GRIN2C: variants seen among roughly 807,000 people sequenced by gnomAD.
The protein encoded by GRIN2C is glutamate ionotropic receptor NMDA type subunit 2C.
Under a neutral mutation model 77.7 loss-of-function variants are expected in GRIN2C, and 64 were observed. That is an observed-to-expected ratio of 0.82 (90% CI 0.67 to 1.01). GRIN2C has a LOEUF of 1.01. Ranked by LOEUF, GRIN2C falls within the 50% of genes least tolerant of loss-of-function variation. The pLI is 0.00. For synonymous variants in GRIN2C, 792 were observed against 643.4 expected (o/e 1.23, Z -3.49); for missense variants, 1,549 against 1,486.0 (o/e 1.04, Z -0.70).
rs745627652 is a variant in GRIN2C at position 74,844,486 on chromosome 17, T to C, written c.2373A>G (p.Thr791=). ...LGDGETQKLE[T]VWLSGICQNE... ...TCTGGCAGATCCCTGAGAGCCACAC[T>C]GTCTCCAGTTTCTGTGTCTCTCCTG... Residue 791 remains threonine (T), a synonymous_variant, in exon 12 of 13, where the codon ACA becomes ACG. Transcript: ENST00000293190. The C allele has an allele frequency of 3.6e-5, 58 of 1,614,168 alleles. No homozygotes were observed. In the South Asian group the frequency reaches 5.7e-4, roughly 16 times the overall value.
At position 74,851,632 on chromosome 17, in the gene GRIN2C, A is replaced by G. The variant is rs1227972041; in HGVS notation, c.1058T>C (p.Leu353Pro). Residue 353 changes from leucine (L) to proline (P), a missense_variant, in exon 4 of 13, where the codon CTG becomes CCG. Physicochemically the swap from Leu to Pro is moderately conservative, Grantham distance 98. Coordinates refer to ENST00000293190, the MANE Select transcript of GRIN2C (RefSeq NM_000835.6). ...GATCACCACCATGGTGGGCTGGACCAGGTACCCACCAGGGCTGAAGGAGAA... is the reference window on the plus strand; with the variant it reads ...GATCACCACCATGGTGGGCTGGACCGGGTACCCACCAGGGCTGAAGGAGAA... ...RDFSFSPGGY[L>P]VQPTMVVIAL... 2.5e-6 allele frequency: 4 copies of G among 1,573,400 alleles called. No homozygotes were observed. The highest frequency in any genetic ancestry group is 3.5e-6 in the Non-Finnish European group (4 of 1,158,338).
rs2037303346 is a variant in GRIN2C, at chr17:74,842,131, TGCCCACA to T, written c.*297_*303del. 3 of 360,208 alleles carry T rather than the reference TGCCCACA, an allele frequency of 8.3e-6. No homozygotes were observed. The South Asian group carries it at 1.1e-4, about 13-fold the overall frequency. 22.3% of individuals were successfully genotyped at this position (360,208 alleles called of 1,614,324 possible). A position where few individuals can be genotyped will look rare whatever the true frequency, so the allele number is the denominator to read the frequency against. ...CCTCAACCACAAGTTCCAGCCTCCA[TGCCCACA>T]GCAGCCATGACCAGTAACTGGCTAG... On this transcript the variant is annotated 3_prime_UTR_variant, in exon 13 of 13. Transcript: ENST00000293190.
In GRIN2C at chr17:74,850,512, G is replaced by A. The variant is rs114263912; in HGVS notation, c.1325+44C>T. The A allele has an allele frequency of 9.0e-4, 1,435 of 1,590,316 alleles. 14 individuals are homozygous for A. The African/African-American group carries it at 0.015, about 17-fold the overall frequency. The stretch of plus-strand genomic sequence containing the variant: ...CATACACGACACCTGACCATCACAC[G>A]GCAGCACCCAGCTCACACTAGCCTC... On this transcript the variant is annotated intron_variant, in intron 5 of 12. Coordinates refer to ENST00000293190, the MANE Select transcript of GRIN2C (RefSeq NM_000835.6). The surrounding 1 kb of genome is among the most constrained non-coding windows in gnomAD (Gnocchi z 5.3).
rs750407122 is a variant in GRIN2C, at chr17:74,854,919, T to C, written c.174A>G (p.Leu58=). ...ARLTPQSFLD[L]PLEIQPLTVG... is the part of the protein sequence containing the mutation. ...CTGTGAGCGGCTGGATCTCCAGGGG[T>C]AGGTCCAGGAAGCTCTGGGGGGTGA... Residue 58 remains leucine, a synonymous_variant, in exon 2 of 13, where the codon CTA becomes CTG. Coordinates refer to ENST00000293190, the MANE Select transcript of GRIN2C (RefSeq NM_000835.6). 9 of 1,613,096 alleles carry C rather than the reference T, an allele frequency of 5.6e-6. No individual in the cohort carries two copies. In the East Asian group the frequency reaches 1.8e-4, roughly 32 times the overall value.
Position 74,846,092 on chromosome 17 carries a change from A to G in GRIN2C, c.2324T>C (p.Leu775Pro). 1 of 1,614,182 alleles carries G rather than the reference A, an allele frequency of 6.2e-7. No homozygotes were observed. Among genetic ancestry groups the G allele is most frequent in the Non-Finnish European group, 8.5e-7 (1 of 1,180,006 alleles). Residue 775 changes from leucine to proline, a missense_variant, in exon 11 of 13, where the codon CTG (leucine) becomes CCG (proline). This residue lies in a region of GRIN2C where 717 missense variants were observed against 858.1 expected (regional missense o/e 0.84). Transcript: ENST00000293190. The surrounding 1 kb of genome is among the most constrained non-coding windows in gnomAD (Gnocchi z 4.4). ...KDSHWKRAIDLALLQFLGDGE... is the reference protein window; with the variant it reads ...KDSHWKRAIDPALLQFLGDGE... Reference sequence around the variant, plus strand: ...GTCCCCCAGGAACTGCAAGAGCGCCAGGTCTATGGCCCGCTTCCAGTGGGA... The same window carrying G: ...GTCCCCCAGGAACTGCAAGAGCGCCGGGTCTATGGCCCGCTTCCAGTGGGA...
At chr17:74,843,703 G>A in intron 12 of GRIN2C, 150 bp from the exon 13 acceptor site, 5 of 1,038,038 alleles carry the variant, frequency 4.8e-6, no homozygotes, top group Non-Finnish European at 5.5e-6. Flanking sequence ...GCCAGGCACT[G>A]TGCTTTGCAG....
At chr17:74,853,778 A>C (rs1036068688) in intron 2 of GRIN2C, 47 of 152,214 alleles carry the variant, frequency 3.1e-4, no homozygotes, top group African/African-American at 1.1e-3. Flanking sequence ...AACAAAGGCG[A>C]ATCAGATCAG....
At position 74,844,502 on chromosome 17, in the gene GRIN2C, G is replaced by A; in HGVS notation, c.2357C>T (p.Thr786Ile). 3 of 1,613,936 alleles carry A rather than the reference G, an allele frequency of 1.9e-6. No homozygotes were observed. The highest frequency in any genetic ancestry group is 2.5e-6 in the Non-Finnish European group (3 of 1,179,860). Residue 786 changes from threonine to isoleucine, a missense_variant, in exon 12 of 13, where the codon ACA (threonine) becomes ATA (isoleucine). By Grantham distance (89) the Thr-to-Ile change is moderately conservative (BLOSUM62 -1). Around this residue, in one of 3 missense-constraint regions of GRIN2C, gnomAD observed 717 missense variants for 858.1 expected, o/e 0.84. Transcript: ENST00000293190. ...ALLQFLGDGE[T>I]QKLETVWLSG... ...GAGCCACACTGTCTCCAGTTTCTGT[G>A]TCTCTCCTGGAGTTGGGGGGTGTAC...
Position 74,842,346 on chromosome 17 carries a change from A to T in GRIN2C, c.*89T>A. 1 of 676,980 alleles carries T rather than the reference A, an allele frequency of 1.5e-6. No individual in the cohort carries two copies. The highest frequency in any genetic ancestry group is 2.7e-6 in the Non-Finnish European group (1 of 369,050). The allele number at this position is 676,980 out of a possible 1,614,324, so 41.9% of individuals were successfully genotyped here. A position where few individuals can be genotyped will look rare whatever the true frequency, so the allele number is the denominator to read the frequency against. On this transcript the variant is annotated 3_prime_UTR_variant, in exon 13 of 13. Transcript: ENST00000293190. ...CCCATGGCCAGGATTTCATGGCAGA[A>T]GCCAGAAAAGCCCAATCCTGCCTGC...
rs1264369659 is a variant in GRIN2C, at chr17:74,859,690, C to T, written c.-16+54G>A. ...CCCGTCTCCGCGGACCCCGCCCGGA[C>T]TCCCCCTGGCCACCGGGACGCCCCG... On this transcript the variant is annotated intron_variant, in intron 1 of 12. Transcript: ENST00000293190. The surrounding 1 kb of genome is among the most constrained non-coding windows in gnomAD (Gnocchi z 5.9). 6.6e-6 allele frequency: 1 copy of T among 152,206 alleles called. No homozygotes were observed. Among genetic ancestry groups the T allele is most frequent in the Admixed American group, 6.5e-5 (1 of 15,284 alleles). The allele number at this position is 152,206 out of a possible 1,614,324, so 9.4% of individuals were successfully genotyped here. A position where few individuals can be genotyped will look rare whatever the true frequency, so the allele number is the denominator to read the frequency against.
chr17:74,852,636 G>C, intron 2 of GRIN2C, 25 bp from the exon 3 acceptor site: 1 of 973,998 alleles, frequency 1.0e-6, no homozygotes, highest in East Asian at 3.9e-5. Context: ...GGCCTGAGCG[G>C]GGCGGGAGGG....
chr17:74,843,655 G>A, intron 12 of GRIN2C, 102 bp from the exon 13 acceptor site: 1 of 1,409,702 alleles, frequency 7.1e-7, no homozygotes. Flanking sequence ...TCTTCTATAA[G>A]TCTCAGGAAG....
Position 74,846,148 on chromosome 17 carries a change from G to A in GRIN2C, c.2268C>T (p.Thr756=), listed in dbSNP as rs1598475286. 1 of 1,614,158 alleles carries A rather than the reference G, an allele frequency of 6.2e-7. No individual in the cohort carries two copies. The highest frequency in any genetic ancestry group is 1.1e-5 in the South Asian group (1 of 91,082). The part of the protein sequence containing the change: ...VTIGSGKVFA[T]TGYGIAMQKD... ...TCTGCATGGCGATGCCGTAGCCAGT[G>A]GTAGCAAAGACCTTGCCAGACCCAA... The change falls in exon 11 of 13, where the codon ACC becomes ACT. Residue 756 remains threonine (T), a synonymous_variant. Transcript: ENST00000293190. The surrounding 1 kb of genome is among the most constrained non-coding windows in gnomAD (Gnocchi z 4.4).
In GRIN2C at chr17:74,849,998, C is replaced by T; in HGVS notation, c.1492-65G>A. 1 of 1,503,196 alleles carries T rather than the reference C, an allele frequency of 6.7e-7. No individual in the cohort carries two copies. The highest frequency in any genetic ancestry group is 9.1e-7 in the Non-Finnish European group (1 of 1,102,814). The allele number at this position is 1,503,196 out of a possible 1,614,324, so 93.1% of individuals were successfully genotyped here. A position where few individuals can be genotyped will look rare whatever the true frequency, so the allele number is the denominator to read the frequency against. Reference sequence around the variant, plus strand: ...CCGTGGGGTGGACACGCTGCACAGGCACCTCCAGACACCCCTTCTAGCACC... The same window carrying T: ...CCGTGGGGTGGACACGCTGCACAGGTACCTCCAGACACCCCTTCTAGCACC... On this transcript the variant is annotated intron_variant, in intron 6 of 12. Transcript: ENST00000293190. This position sits in a 1 kb window ranked among gnomAD's most constrained non-coding sequence, Gnocchi z 4.6.
rs1555614383 is a variant in GRIN2C at position 74,847,298 on chromosome 17, G to T, written c.2001+10C>A. ...CCCCCCCCCACCCCCAGCAGCTATG[G>T]CCCCACAACCTTCTTGTCACTGAGG... On this transcript the variant is annotated intron_variant, in intron 9 of 12. Coordinates refer to ENST00000293190, the MANE Select transcript of GRIN2C (RefSeq NM_000835.6). The surrounding 1 kb of genome is among the most constrained non-coding windows in gnomAD (Gnocchi z 5.2). 6.2e-6 allele frequency: 8 copies of T among 1,281,538 alleles called. No individual in the cohort carries two copies. The highest frequency in any genetic ancestry group is 6.0e-5 in the South Asian group (5 of 82,714). 79.4% of individuals were successfully genotyped at this position (1,281,538 alleles called of 1,614,324 possible).
At chr17:74,855,469 TCAGA>T (rs985279153) in intron 1 of GRIN2C, among the ~76,000 whole-genome samples, 1 of 152,134 alleles carries the variant, frequency 6.6e-6, no homozygotes, top group African/African-American at 2.4e-5. Flanking sequence ...TGGATTTGAG[TCAGA>T]CAGATCTGAG....
Position 74,852,187 on chromosome 17 carries a change from C to T in GRIN2C, c.824G>A (p.Ser275Asn). Residue 275 changes from serine (S) to asparagine (N), a missense_variant, in exon 3 of 13, where the codon AGC becomes AAC. Coordinates refer to ENST00000293190, the MANE Select transcript of GRIN2C (RefSeq NM_000835.6). ...PPATFPVGLI[S>N]VVTESWRLSL... ...GAGGCGCCAGCTCTCGGTGACGACG[C>T]TGATGAGGCCCACGGGGAAGGTGGC... is the stretch of plus-strand genomic sequence containing the variant. 1 of 1,458,810 alleles carries T rather than the reference C, an allele frequency of 6.9e-7. No individual in the cohort carries two copies. The highest frequency in any genetic ancestry group is 1.3e-5 in the South Asian group (1 of 75,674). The allele number at this position is 1,458,810 out of a possible 1,614,324, so 90.4% of individuals were successfully genotyped here. A position where few individuals can be genotyped will look rare whatever the true frequency, so the allele number is the denominator to read the frequency against.
chr17:74,854,683 T>C lies in GRIN2C; in HGVS notation c.399+11A>G, dbSNP rs2037761011. 1.3e-6 allele frequency: 2 copies of C among 1,598,162 alleles called. No individual in the cohort carries two copies. The highest frequency in any genetic ancestry group is 1.7e-6 in the Non-Finnish European group (2 of 1,167,366). ...CCTGAGGCACGAGGGGACATGAGTT[T>C]GGACATGCACCTTGGGGGTGAGGAC... On this transcript the variant is annotated intron_variant, in intron 2 of 12. Transcript: ENST00000293190.
rs547259189 is a variant in GRIN2C at position 74,845,368 on chromosome 17, G to A, written c.2350+698C>T. Among the ~76,000 whole-genome samples the A allele has an allele frequency of 2.0e-5, 3 of 151,628 alleles. No homozygotes were observed. In the East Asian group the frequency reaches 5.8e-4, roughly 29 times the overall value. The stretch of plus-strand genomic sequence containing the variant: ...CAGCCTCAAACTCCTGGACTCAAGG[G>A]ATCCTCCTGCCTCAGCCTCCCAAGT... On this transcript the variant is annotated intron_variant, in intron 11 of 12. Coordinates refer to ENST00000293190, the MANE Select transcript of GRIN2C (RefSeq NM_000835.6).
Sources: gnomAD v4.1 joint callset for allele counts (sites outside exome capture counted in the v4.1 genomes callset) on GRCh38, gnomAD v4.1.1 for gene constraint, gnomAD v4.1.1 regional missense constraint, Gnocchi (gnomAD v3.1) non-coding constraint, MANE v1.5 for transcripts, NCBI Gene and HGNC (gene_info 2026-07-23, HGNC 2026-07-21) for gene names.